Variants in EPC1 observed in about 807,000 individuals in gnomAD.
The protein encoded by EPC1 is enhancer of polycomb homolog 1.
A neutral mutation model predicts 98.4 loss-of-function variants in EPC1; 12 were observed. The observed-to-expected ratio is 0.12, with a 90% CI of 0.08 to 0.20. The LOEUF is 0.20. EPC1 is among the 10% of genes least tolerant of loss of function. The probability of loss-of-function intolerance (pLI) is 1.00; values close to 1 mark genes in which losing one functional copy is unlikely to be tolerated. For synonymous variants in EPC1, 357 were observed against 363.9 expected, an observed-to-expected ratio of 0.98 and a Z score of 0.21; for missense variants, 729 against 990.5, an observed-to-expected ratio of 0.74 and a Z score of 3.54.
chr10:32,324,373 T>C (rs1165994477), intron 1 of EPC1, among the ~76,000 whole-genome samples: 1 of 150,948 alleles, frequency 6.6e-6, no homozygotes, highest in Non-Finnish European at 1.5e-5. Flanking sequence ...CTGGCCAACG[T>C]AGTGAAACCC....
chr10:32,290,414 A>G (rs1012614673), intron 6 of EPC1, among the ~76,000 whole-genome samples: 6 of 135,500 alleles, frequency 4.4e-5, no homozygotes, highest in African/African-American at 1.7e-4. Flanking sequence ...TAAACTCGGG[A>G]GGTGGAGGTT....
intron 1 of EPC1, 102 bp downstream of exon 1, chr10:32,346,661 G>C: frequency 8.6e-7 from 1 of 1,159,956 alleles, no homozygotes; most frequent in Non-Finnish European, 1.3e-6. Context: ...GCGGCGAAGA[G>C]AAGATGGCGG....
upstream of EPC1, among the ~76,000 whole-genome samples, chr10:32,348,924 A>T (rs74128089): frequency 0.02 from 3,045 of 152,284 alleles, 109 homozygotes; most frequent in African/African-American, 0.07. Flanking sequence ...TATCTGAGTA[A>T]AATTATGTAG....
intron 13 of EPC1, among the ~76,000 whole-genome samples, chr10:32,271,194 T>A (rs540897316): frequency 5.9e-5 from 9 of 152,234 alleles, no homozygotes; most frequent in South Asian, 2.1e-4. Context: ...TTTCACCATG[T>A]TGGATCGGCT....
intron 1 of EPC1, among the ~76,000 whole-genome samples, chr10:32,314,590 T>C (rs1836443631): frequency 6.6e-6 from 1 of 152,222 alleles, no homozygotes; most frequent in African/African-American, 2.4e-5. Context: ...CTTTTCTCTT[T>C]ATTACTTTTG....
At chr10:32,277,986 G>A (rs1007417337) in intron 10 of EPC1, among the ~76,000 whole-genome samples, 1 of 152,170 alleles carries the variant, frequency 6.6e-6, no homozygotes, top group Non-Finnish European at 1.5e-5. Context: ...AGCTAAAGGT[G>A]ATCAACTGAG....
In EPC1 at chr10:32,342,588, T is replaced by C. The variant is rs143707329; in HGVS notation, c.153+4175A>G. ...CCTATAGAACCAAGGTGCTGGATTA[T>C]GGTGGTTAGATCCTACTTGTAACAG... is the stretch of plus-strand genomic sequence containing the variant. On this transcript the variant is annotated intron_variant, in intron 1 of 13. Coordinates refer to ENST00000319778, the MANE Select transcript of EPC1 (RefSeq NM_001272004.3). 8.4e-3 allele frequency among the ~76,000 whole-genome samples: 1,278 copies of C among 152,320 alleles called. 20 individuals carry two copies. The highest frequency in any genetic ancestry group is 0.028 in the African/African-American group (1,178 of 41,564).
intron 1 of EPC1, among the ~76,000 whole-genome samples, chr10:32,378,254 GTTC>G (rs2133135275): frequency 6.6e-6 from 1 of 151,808 alleles, no homozygotes; most frequent in Non-Finnish European, 1.5e-5. Flanking sequence ...TTCCTCTGTA[GTTC>G]ACAGTAATTA....
intron 1 of EPC1, among the ~76,000 whole-genome samples, chr10:32,362,615 T>A (rs899133311): frequency 1.3e-5 from 2 of 152,098 alleles, no homozygotes; most frequent in African/African-American, 2.4e-5. Flanking sequence ...GCCAATTAAA[T>A]CTCTTTTCTT....
chr10:32,358,600 G>A (rs950469080), intron 1 of EPC1, among the ~76,000 whole-genome samples: 25 of 143,904 alleles, frequency 1.7e-4, no homozygotes, highest in Admixed American at 1.3e-3. Context: ...GACTGTGATC[G>A]CGTCACTGCA....
At chr10:32,359,024 CTTAGCA>C (rs938403588) in intron 1 of EPC1, among the ~76,000 whole-genome samples, 5 of 152,146 alleles carry the variant, frequency 3.3e-5, no homozygotes, top group Admixed American at 3.3e-4. Context: ...TTTACTGATG[CTTAGCA>C]CAGTATTTTC....
intron 10 of EPC1, chr10:32,283,049 T>C (rs1200082225): frequency 6.6e-6 from 1 of 152,248 alleles, no homozygotes; most frequent in Non-Finnish European, 1.5e-5. Flanking sequence ...GTCCCTAAAA[T>C]AGCTTTATCT....
At chr10:32,331,720 TAAGAC>T (rs1837653240) in intron 1 of EPC1, among the ~76,000 whole-genome samples, 1 of 152,242 alleles carries the variant, frequency 6.6e-6, no homozygotes, top group African/African-American at 2.4e-5. Context: ...CCCTTCAAGA[TAAGAC>T]ATGTTTGTAA....
intron 1 of EPC1, among the ~76,000 whole-genome samples, chr10:32,360,934 G>C (rs1461017567): frequency 6.6e-6 from 1 of 151,830 alleles, no homozygotes; most frequent in African/African-American, 2.4e-5. Context: ...AATCAATGTG[G>C]TCTCTCTAAC....
At position 32,271,474 on chromosome 10, in the gene EPC1, AG is replaced by A. The variant is rs376291515; in HGVS notation, c.2369+79del. 15 of 1,433,746 alleles carry A rather than the reference AG, an allele frequency of 1.0e-5. No homozygotes were observed. The African/African-American group carries it at 2.1e-4, about 20-fold the overall frequency. 88.8% of individuals were successfully genotyped at this position (1,433,746 alleles called of 1,614,324 possible). ...AAAAGGAAAAGAACAAGAAACACAA[AG>A]AAATAGGTAAAGAACGATGCTGGAG... is the stretch of plus-strand genomic sequence containing the variant. On this transcript the variant is annotated intron_variant, in intron 13 of 13. Coordinates refer to ENST00000319778, the MANE Select transcript of EPC1 (RefSeq NM_001272004.3).
At chr10:32,270,032 TA>T (rs771015984) in intron 13 of EPC1, among the ~76,000 whole-genome samples, 3 of 152,226 alleles carry the variant, frequency 2.0e-5, no homozygotes, top group Non-Finnish European at 2.9e-5. Context: ...TGTTAACTTC[TA>T]AACACTTGTA....
chr10:32,349,359 T>C (rs1839043367), upstream of EPC1, among the ~76,000 whole-genome samples: 1 of 152,216 alleles, frequency 6.6e-6, no homozygotes, highest in Admixed American at 6.5e-5. Context: ...TTTCTTATTC[T>C]CTAGAGAGTC....
chr10:32,339,614 T>C (rs921784506), intron 1 of EPC1, among the ~76,000 whole-genome samples: 4 of 152,164 alleles, frequency 2.6e-5, no homozygotes, highest in Non-Finnish European at 5.9e-5. Flanking sequence ...TACAACTCTC[T>C]AAGGACACAA....
At chr10:32,300,007 A>G (rs368607264) in intron 2 of EPC1, among the ~76,000 whole-genome samples, 51 of 103,208 alleles carry the variant, frequency 4.9e-4, no homozygotes, top group African/African-American at 2.0e-3. Context: ...TCTTCCTCCC[A>G]GGTTCATGCC....
Sources: gnomAD v4.1 joint callset for allele counts (sites outside exome capture counted in the v4.1 genomes callset) on GRCh38, gnomAD v4.1.1 for gene constraint, MANE v1.5 for transcripts, NCBI Gene and HGNC (gene_info 2026-07-23, HGNC 2026-07-21) for gene names.